The following CFI variants were observed in gnomAD, a reference collection of about 807,000 sequenced individuals.
The protein encoded by CFI is C3B/C4B inactivator.
CFI carries 66 observed loss-of-function variants against 78.8 expected under a neutral mutation model. The ratio of observed to expected loss-of-function variants is 0.84; its 90% CI spans 0.69 to 1.03. The LOEUF (loss-of-function observed/expected upper bound fraction) is 1.03, where lower values mean the gene tolerates loss of function less well. CFI is among the 50% of genes least tolerant of loss of function. The pLI, the probability that CFI is intolerant of heterozygous loss-of-function variation, is 0.00. For synonymous variants in CFI, 250 were observed against 232.6 expected (o/e 1.07, Z -0.68); for missense variants, 706 against 704.5 (o/e 1.00, Z -0.02).
intron 1 of CFI, among the ~76,000 whole-genome samples, chr4:109,771,050 C>T (rs893849441): frequency 6.6e-6 from 1 of 152,024 alleles, no homozygotes; most frequent in Non-Finnish European, 1.5e-5. Flanking sequence ...GATAGGAGTG[C>T]TTTTCATTTT....
At chr4:109,743,547 C>T (rs1724063049) in intron 11 of CFI, among the ~76,000 whole-genome samples, 1 of 152,198 alleles carries the variant, frequency 6.6e-6, no homozygotes, top group South Asian at 2.1e-4. Flanking sequence ...CCATATTTTC[C>T]ATCAGTGAAA....
intron 1 of CFI, among the ~76,000 whole-genome samples, chr4:109,791,245 C>G (rs919778652): frequency 9.9e-5 from 15 of 152,136 alleles, no homozygotes; most frequent in African/African-American, 3.4e-4. Context: ...TATAAGTCTT[C>G]TTTTGAAAAG....
At chr4:109,788,814 C>T (rs1228980575) in intron 1 of CFI, among the ~76,000 whole-genome samples, 1 of 151,846 alleles carries the variant, frequency 6.6e-6, no homozygotes, top group Non-Finnish European at 1.5e-5. Context: ...GTACAAACAG[C>T]ATCCAACAAG....
chr4:109,764,257 G>T, intron 3 of CFI: 1 of 483,920 alleles, frequency 2.1e-6, no homozygotes, highest in Non-Finnish European at 3.7e-6. Flanking sequence ...TAGACGAGTA[G>T]GAGACAGACA....
intron 3 of CFI, among the ~76,000 whole-genome samples, chr4:109,763,651 T>C (rs1337780039): frequency 6.6e-6 from 1 of 151,950 alleles, no homozygotes; most frequent in Non-Finnish European, 1.5e-5. Context: ...TAGAGAAAGA[T>C]CTAAACAGAG....
At chr4:109,800,657 A>G (rs978972313) in intron 1 of CFI, among the ~76,000 whole-genome samples, 1 of 152,162 alleles carries the variant, frequency 6.6e-6, no homozygotes, top group African/African-American at 2.4e-5. Flanking sequence ...TAGAATCACC[A>G]GTAATCTTAT....
At chr4:109,799,788 TA>T (rs1369807566) in intron 1 of CFI, among the ~76,000 whole-genome samples, 1 of 152,246 alleles carries the variant, frequency 6.6e-6, no homozygotes, top group Non-Finnish European at 1.5e-5. Flanking sequence ...GAACTTGTTT[TA>T]ATAAACCAAA....
chr4:109,772,642 G>A, intron 1 of CFI, among the ~76,000 whole-genome samples: 1 of 150,924 alleles, frequency 6.6e-6, no homozygotes, highest in Non-Finnish European at 1.5e-5. Flanking sequence ...GCAGTGGTAT[G>A]ATCACAGCTC....
At chr4:109,764,417 A>G (rs1397606133) in intron 3 of CFI, 120 bp downstream of exon 3, 1 of 1,103,754 alleles carries the variant, frequency 9.1e-7, no homozygotes. Context: ...GCTATGATGC[A>G]CATAGTTAAT....
the CFI span, among the ~76,000 whole-genome samples, chr4:109,733,280 G>A: frequency 6.6e-5 from 10 of 152,270 alleles, no homozygotes; most frequent in South Asian, 2.1e-4. Context: ...CTCATCTCAC[G>A]TAACTTCTAG....
intron 7 of CFI, among the ~76,000 whole-genome samples, chr4:109,753,428 AATATATTTATTATATAATAAATATT>A: frequency 1.3e-5 from 1 of 74,722 alleles, no homozygotes; most frequent in Non-Finnish European, 2.1e-5. Flanking sequence ...AAATATTTAT[AATATATTTATTATATAATAAATATT>A]TATATATATA....
At chr4:109,749,767 T>G (rs1042624847) in intron 8 of CFI, among the ~76,000 whole-genome samples, 165 bp from the exon 9 acceptor site, 3 of 152,206 alleles carry the variant, frequency 2.0e-5, no homozygotes, top group Non-Finnish European at 4.4e-5. Flanking sequence ...CTATTCATCT[T>G]ATTTAAAAAT....
At chr4:109,775,500 G>A (rs1170791355) in intron 1 of CFI, among the ~76,000 whole-genome samples, 1 of 152,210 alleles carries the variant, frequency 6.6e-6, no homozygotes, top group Non-Finnish European at 1.5e-5. Context: ...AAGCATCCTG[G>A]AAGCTCTAAC....
chr4:109,744,841 G>C (rs144211242), intron 11 of CFI, among the ~76,000 whole-genome samples: 237 of 151,966 alleles, frequency 1.6e-3, no homozygotes, highest in Middle Eastern at 6.8e-3. Flanking sequence ...GATAAGTAAG[G>C]GTTTATTATA....
rs370741516 is a variant in CFI, at chr4:109,779,295, C to A, written c.58-12471G>T. ...GCAATTTCAGCAAAGTCTCAGGATACAAAATCAATGTGCAAAAATCACCAG... is the reference window on the plus strand; with the variant it reads ...GCAATTTCAGCAAAGTCTCAGGATAAAAAATCAATGTGCAAAAATCACCAG... On this transcript the variant is annotated intron_variant, in intron 1 of 12. Transcript: ENST00000394634. Among the ~76,000 whole-genome samples the A allele has an allele frequency of 5.9e-5, 9 of 152,268 alleles. No homozygotes were observed. The East Asian group carries it at 1.3e-3, about 23-fold the overall frequency.
chr4:109,787,749 T>C (rs1056140149), intron 1 of CFI, among the ~76,000 whole-genome samples: 1 of 152,034 alleles, frequency 6.6e-6, no homozygotes, highest in Non-Finnish European at 1.5e-5. Context: ...AAATATTGTT[T>C]TGGGGTCAAC....
At position 109,768,609 on chromosome 4, in the gene CFI, A is replaced by G. The variant is rs937399590; in HGVS notation, c.58-1785T>C. ...GGGCTGGGAACAGGCCAATTGGGCCAAAAGCCAATCTGCGAAGAAAAGCCA... is the reference window on the plus strand; with the variant it reads ...GGGCTGGGAACAGGCCAATTGGGCCGAAAGCCAATCTGCGAAGAAAAGCCA... On this transcript the variant is annotated intron_variant, in intron 1 of 12. Transcript: ENST00000394634. Among the ~76,000 whole-genome samples, 11 of 152,282 alleles carry G rather than the reference A, an allele frequency of 7.2e-5. No homozygotes were observed. In the South Asian group the frequency reaches 1.0e-3, roughly 14 times the overall value.
chr4:109,734,257 C>G, the CFI span, among the ~76,000 whole-genome samples: 1 of 152,078 alleles, frequency 6.6e-6, no homozygotes, highest in Non-Finnish European at 1.5e-5. Flanking sequence ...AGGTCTAAGT[C>G]TTAGGAGGTC....
Position 109,788,376 on chromosome 4 carries a change from G to C in CFI, c.57+13539C>G, listed in dbSNP as rs569666986. Reference sequence around the variant, plus strand: ...GAGAATATCTAGTTTCCATACTCTTGATTACAGAGTATATATTATGTTTCC... The same window carrying C: ...GAGAATATCTAGTTTCCATACTCTTCATTACAGAGTATATATTATGTTTCC... On this transcript the variant is annotated intron_variant, in intron 1 of 12. Transcript: ENST00000394634. Among the ~76,000 whole-genome samples the C allele has an allele frequency of 6.6e-5, 10 of 152,122 alleles. No homozygotes were observed. The East Asian group carries it at 1.7e-3, about 26-fold the overall frequency.
Sources: allele counts gnomAD v4.1 joint callset (sites outside exome capture counted in the v4.1 genomes callset), GRCh38; gene constraint gnomAD v4.1.1; transcripts MANE v1.5; gene names NCBI Gene and HGNC (gene_info 2026-07-23, HGNC 2026-07-21).